Variants in SLIT3 observed in about 807,000 individuals in gnomAD.
The protein encoded by SLIT3 is slit homolog 3 protein.
SLIT3 carries 68 observed loss-of-function variants against 184.0 expected under a neutral mutation model. That is an observed-to-expected ratio of 0.37 (90% CI 0.30 to 0.45). The LOEUF (loss-of-function observed/expected upper bound fraction) is 0.45. SLIT3 is among the 20% of genes least tolerant of loss of function. SLIT3 has a pLI of 1.00. For missense variants in SLIT3, 1,707 were observed against 2,026.0 expected, an observed-to-expected ratio of 0.84 and a Z score of 3.02; for synonymous variants, 831 against 828.6, an observed-to-expected ratio of 1.00 and a Z score of -0.05.
chr5:168,829,880 C>T (rs933264306), intron 6 of SLIT3, among the ~76,000 whole-genome samples: 2 of 152,176 alleles, frequency 1.3e-5, no homozygotes, highest in Admixed American at 6.5e-5. Context: ...TCACTGCTGG[C>T]CATCCCTCTT....
At chr5:169,174,048 A>G (rs1253572729) in intron 4 of SLIT3, among the ~76,000 whole-genome samples, 1 of 152,122 alleles carries the variant, frequency 6.6e-6, no homozygotes, top group Non-Finnish European at 1.5e-5. Flanking sequence ...TCTGGTTACA[A>G]ACCAGTAAGG....
At chr5:169,097,151 C>A (rs1759816350) in intron 4 of SLIT3, among the ~76,000 whole-genome samples, 1 of 152,166 alleles carries the variant, frequency 6.6e-6, no homozygotes, top group Non-Finnish European at 1.5e-5. Context: ...GGCTGGGAAC[C>A]TATTTAGTGT....
chr5:169,128,775 T>C (rs773677633), intron 4 of SLIT3, among the ~76,000 whole-genome samples: 5 of 152,178 alleles, frequency 3.3e-5, no homozygotes, highest in Non-Finnish European at 7.3e-5. Context: ...CAAAGAATTC[T>C]CTGATCCCTT....
Position 168,707,977 on chromosome 5 carries a change from T to TTGTAGC in SLIT3, c.2837_2842dup (p.Ser946_Tyr947dup). 6.2e-7 allele frequency: 1 copy of TTGTAGC among 1,614,106 alleles called. No individual in the cohort carries two copies. The highest frequency in any genetic ancestry group is 8.5e-7 in the Non-Finnish European group (1 of 1,180,004). On this transcript the variant is annotated inframe_insertion and splice_region_variant, in exon 26 of 36. Coordinates refer to ENST00000519560, the MANE Select transcript of SLIT3 (RefSeq NM_003062.4). ...GGGGGGGCAGGGCCTCCAGCATACC[T>TTGTAGC]TGTAGCTGTAGGGGCAGGCACAGCG...
chr5:168,964,561 T>C (rs1043191157), intron 4 of SLIT3, among the ~76,000 whole-genome samples: 17 of 152,192 alleles, frequency 1.1e-4, no homozygotes, highest in Admixed American at 2.6e-4. Flanking sequence ...GTCAGGTGGA[T>C]TGAGTGAAAC....
At chr5:169,137,178 C>T (rs1342149294) in intron 4 of SLIT3, among the ~76,000 whole-genome samples, 1 of 152,104 alleles carries the variant, frequency 6.6e-6, no homozygotes, top group Non-Finnish European at 1.5e-5. Context: ...GCACAGGAAC[C>T]TACTTTACCT....
intron 4 of SLIT3, among the ~76,000 whole-genome samples, chr5:168,924,014 C>A (rs1761725155): frequency 6.6e-6 from 1 of 152,242 alleles, no homozygotes; most frequent in African/African-American, 2.4e-5. Flanking sequence ...GTCTGGCCTG[C>A]AAAGCCTAAA....
At chr5:168,686,500 T>A (rs751418798) in intron 30 of SLIT3, among the ~76,000 whole-genome samples, 41 of 152,348 alleles carry the variant, frequency 2.7e-4, no homozygotes, top group Non-Finnish European at 5.6e-4. Context: ...AAATGCTGTA[T>A]GTGTCCATTT....
chr5:169,216,510 G>A (rs1206362379), intron 3 of SLIT3, among the ~76,000 whole-genome samples: 1 of 152,314 alleles, frequency 6.6e-6, no homozygotes. Flanking sequence ...AGAAACAGTA[G>A]CAAGTTCAGC....
intron 5 of SLIT3, among the ~76,000 whole-genome samples, chr5:168,865,173 C>CTTAGG (rs1759253713): frequency 1.8e-5 from 1 of 56,298 alleles, no homozygotes; most frequent in African/African-American, 7.4e-5. Flanking sequence ...AACTCCGTCT[C>CTTAGG]AAAAAAAAAA....
At chr5:169,081,603 A>G (rs981982988) in intron 4 of SLIT3, among the ~76,000 whole-genome samples, 3 of 152,146 alleles carry the variant, frequency 2.0e-5, no homozygotes, top group Non-Finnish European at 2.9e-5. Context: ...GCTAGGCTGC[A>G]GGGCTTGCTC....
intron 32 of SLIT3, 71 bp downstream of exon 32, chr5:168,683,895 T>G (rs766064573): frequency 3.0e-6 from 4 of 1,354,368 alleles, no homozygotes; most frequent in Non-Finnish European, 3.9e-6. Flanking sequence ...ATCCCCCTTC[T>G]GAGTTGCAGG....
At chr5:169,295,582 G>T (rs759202359) in intron 1 of SLIT3, among the ~76,000 whole-genome samples, 7 of 152,232 alleles carry the variant, frequency 4.6e-5, no homozygotes, top group Non-Finnish European at 8.8e-5. Flanking sequence ...TAACAGAGCT[G>T]CAATTCAAAC....
chr5:168,705,749 G>C (rs569011325), intron 26 of SLIT3, among the ~76,000 whole-genome samples: 2 of 152,196 alleles, frequency 1.3e-5, no homozygotes, highest in Non-Finnish European at 2.9e-5. Context: ...CTGACGGTCA[G>C]GTCATGCTTC....
chr5:168,880,141 T>TGA (rs1561983719), intron 5 of SLIT3, among the ~76,000 whole-genome samples: 1 of 152,200 alleles, frequency 6.6e-6, no homozygotes, highest in African/African-American at 2.4e-5. Flanking sequence ...AGAGACAGCG[T>TGA]GAGAGAGAGA....
At chr5:169,101,339 A>C (rs1479355841) in intron 4 of SLIT3, among the ~76,000 whole-genome samples, 2 of 152,200 alleles carry the variant, frequency 1.3e-5, no homozygotes, top group Non-Finnish European at 2.9e-5. Flanking sequence ...GTTTGTTTTC[A>C]ATGCCTTAGT....
intron 3 of SLIT3, among the ~76,000 whole-genome samples, chr5:169,197,199 C>G (rs4867739): frequency 0.061 from 9,296 of 152,210 alleles, 440 homozygotes; most frequent in East Asian, 0.19. Flanking sequence ...GTGCTGCCCA[C>G]TGCTTCATAA....
intron 17 of SLIT3, 86 bp from the exon 18 acceptor site, chr5:168,753,184 A>T (rs1470032704): frequency 1.8e-5 from 26 of 1,417,372 alleles, no homozygotes; most frequent in Non-Finnish European, 2.1e-5. Context: ...GTGTGTGTAT[A>T]GGTGAGATGC....
intron 4 of SLIT3, among the ~76,000 whole-genome samples, chr5:168,950,141 A>G (rs1287818644): frequency 8.0e-5 from 12 of 150,700 alleles, no homozygotes. Flanking sequence ...TGATTAGGTC[A>G]TGAGGGAGGA....
Sources: gnomAD v4.1 joint callset for allele counts (sites outside exome capture counted in the v4.1 genomes callset) on GRCh38, gnomAD v4.1.1 for gene constraint, MANE v1.5 for transcripts, NCBI Gene and HGNC (gene_info 2026-07-23, HGNC 2026-07-21) for gene names.